The following KBTBD8 variants were observed in gnomAD, a reference collection of about 807,000 sequenced individuals.
The protein encoded by KBTBD8 is kelch repeat and BTB domain containing 8, also known as kelch repeat and BTB domain-containing protein 8.
In KBTBD8, 31 loss-of-function variants were observed where a neutral mutation model predicts 53.5. The observed-to-expected ratio is 0.58, with a 90% CI of 0.44 to 0.78. The LOEUF is 0.78. Ranked by LOEUF, KBTBD8 falls within the 30% of genes least tolerant of loss-of-function variation. KBTBD8 has a pLI of 0.00. For missense variants in KBTBD8, 642 were observed against 735.8 expected (o/e 0.87, Z 1.48); for synonymous variants, 250 against 247.3 (o/e 1.01, Z -0.10).
Position 67,003,618 on chromosome 3 carries a change from T to C in KBTBD8, c.651T>C (p.Ile217=), listed in dbSNP as rs1465192466. 1 of 1,614,062 alleles carries C rather than the reference T, an allele frequency of 6.2e-7. No homozygotes were observed. Among genetic ancestry groups the C allele is most frequent in the South Asian group, 1.1e-5 (1 of 91,074 alleles). The change falls in exon 3 of 4, where the codon ATT becomes ATC. Residue 217 remains isoleucine, a synonymous_variant. Transcript: ENST00000417314. ...GAGAAGAGCATGTTTATGAAAGCATTATAAGGTGGTTTGAGCATGAACAGA... is the reference window on the plus strand; with the variant it reads ...GAGAAGAGCATGTTTATGAAAGCATCATAAGGTGGTTTGAGCATGAACAGA... ...VDREEHVYES[I]IRWFEHEQNE...
At chr3:67,006,712 AG>A (rs1033735932) in intron 3 of KBTBD8, among the ~76,000 whole-genome samples, 2 of 152,218 alleles carry the variant, frequency 1.3e-5, no homozygotes, top group Non-Finnish European at 2.9e-5. Flanking sequence ...ACAGTTTTCA[AG>A]GGGAAGCTCA....
At chr3:67,007,116 A>G (rs955256866) in intron 3 of KBTBD8, among the ~76,000 whole-genome samples, 6 of 152,340 alleles carry the variant, frequency 3.9e-5, no homozygotes, top group African/African-American at 1.4e-4. Context: ...TCAGTGACCC[A>G]TAAGCATAAA....
At chr3:67,005,758 C>A (rs749523216) in intron 3 of KBTBD8, among the ~76,000 whole-genome samples, 2 of 151,770 alleles carry the variant, frequency 1.3e-5, no homozygotes, top group Non-Finnish European at 2.9e-5. Context: ...TGACTTCAAC[C>A]TCCGCCTCCT....
At chr3:67,001,731 C>G (rs1702020244) in intron 2 of KBTBD8, among the ~76,000 whole-genome samples, 1 of 152,280 alleles carries the variant, frequency 6.6e-6, no homozygotes, top group South Asian at 2.1e-4. Context: ...TTAAAATGTA[C>G]ATTGTAGAAG....
At position 66,999,046 on chromosome 3, in the gene KBTBD8, G is replaced by C; in HGVS notation, c.82G>C (p.Asp28His). The C allele has an allele frequency of 6.2e-7, 1 of 1,614,158 alleles. No homozygotes were observed. The highest frequency in any genetic ancestry group is 8.5e-7 in the Non-Finnish European group (1 of 1,180,026). Residue 28 changes from aspartate (D) to histidine (H), a missense_variant, in exon 2 of 4, where the codon GAC (aspartate) becomes CAC (histidine). Asp to His is a moderately conservative substitution (Grantham distance 81). Coordinates refer to ENST00000417314, the MANE Select transcript of KBTBD8 (RefSeq NM_032505.3). ...TTCAGACCCAGCCAGCGATGCCATGGACCCCTTCCATGCTTGCAGTATTCT... is the reference window on the plus strand; with the variant it reads ...TTCAGACCCAGCCAGCGATGCCATGCACCCCTTCCATGCTTGCAGTATTCT... ...PSSDPASDAMDPFHACSILKQ... is the reference protein window; with the variant it reads ...PSSDPASDAMHPFHACSILKQ...
chr3:67,000,862 A>G (rs1256473529), intron 2 of KBTBD8, among the ~76,000 whole-genome samples: 2 of 152,014 alleles, frequency 1.3e-5, no homozygotes, highest in African/African-American at 4.8e-5. Flanking sequence ...CTTAGTAAGC[A>G]TACATAATAA....
intron 3 of KBTBD8, among the ~76,000 whole-genome samples, chr3:67,005,227 T>A (rs1258272195): frequency 6.6e-6 from 1 of 152,200 alleles, no homozygotes; most frequent in African/African-American, 2.4e-5. Flanking sequence ...GTCTCTTAAT[T>A]GATGTTTTTC....
chr3:66,998,804 C>T (rs1274669192), intron 1 of KBTBD8, 177 bp from the exon 2 acceptor site: 6 of 617,248 alleles, frequency 9.7e-6, no homozygotes, highest in Non-Finnish European at 1.7e-5. Flanking sequence ...CGCGCTCCGC[C>T]CTCTGTCTCC....
rs1702109507 is a variant in KBTBD8 at position 67,010,672 on chromosome 3, A to G, written c.*2287A>G. The G allele has an allele frequency of 6.6e-6, 1 of 152,614 alleles. No homozygotes were observed. The highest frequency in any genetic ancestry group is 2.4e-5 in the African/African-American group (1 of 41,450). The allele number at this position is 152,614 out of a possible 1,614,324, so 9.5% of individuals were successfully genotyped here. Reference sequence around the variant, plus strand: ...TTAAAATGGATTCAGAAGAGGTCCTAGAAAAGTAAGATTAGTGACATGTGT... The same window carrying G: ...TTAAAATGGATTCAGAAGAGGTCCTGGAAAAGTAAGATTAGTGACATGTGT... On this transcript the variant is annotated 3_prime_UTR_variant, in exon 4 of 4. Coordinates refer to ENST00000417314, the MANE Select transcript of KBTBD8 (RefSeq NM_032505.3).
At chr3:66,999,876 A>C (rs1702001826) in intron 2 of KBTBD8, among the ~76,000 whole-genome samples, 1 of 152,228 alleles carries the variant, frequency 6.6e-6, no homozygotes. Flanking sequence ...ATGTTAAACG[A>C]AGTTTTTGTT....
chr3:67,009,662 T>G lies in KBTBD8; in HGVS notation c.*1277T>G, dbSNP rs1213683989. 6.6e-6 allele frequency: 1 copy of G among 152,594 alleles called. No individual in the cohort carries two copies. Among genetic ancestry groups the G allele is most frequent in the African/African-American group, 2.4e-5 (1 of 41,446 alleles). The allele number at this position is 152,594 out of a possible 1,614,324, so 9.5% of individuals were successfully genotyped here. On this transcript the variant is annotated 3_prime_UTR_variant, in exon 4 of 4. Coordinates refer to ENST00000417314, the MANE Select transcript of KBTBD8 (RefSeq NM_032505.3). ...TAGCTTTCTAGGTACTAAAGCATTT[T>G]TTGCATTTAACTGATGAAATTTCTA...
At position 67,003,613 on chromosome 3, in the gene KBTBD8, A is replaced by T; in HGVS notation, c.646A>T (p.Ser216Cys). The change falls in exon 3 of 4, where the codon AGC (serine) becomes TGC (cysteine). Residue 216 changes from serine (S) to cysteine (C), a missense_variant. Transcript: ENST00000417314. ...AGACCGAGAAGAGCATGTTTATGAA[A>T]GCATTATAAGGTGGTTTGAGCATGA... is the stretch of plus-strand genomic sequence containing the variant. ...NVDREEHVYE[S>C]IIRWFEHEQN... 1.2e-6 allele frequency: 2 copies of T among 1,614,114 alleles called. No individual in the cohort carries two copies. Among genetic ancestry groups the T allele is most frequent in the Non-Finnish European group, 1.7e-6 (2 of 1,179,964 alleles).
In KBTBD8 at chr3:67,003,944, A is replaced by T. The variant is rs1372424865; in HGVS notation, c.977A>T (p.Glu326Val). Residue 326 changes from glutamate (E) to valine (V), a missense_variant, in exon 3 of 4, where the codon GAA (glutamate) becomes GTA (valine). By Grantham distance (121) the Glu-to-Val change is moderately radical. Coordinates refer to ENST00000417314, the MANE Select transcript of KBTBD8 (RefSeq NM_032505.3). Reference sequence around the variant, plus strand: ...TGCAAACCACCAAATGACCTGAGAGAAGTTGGGATTCTTGTATCACCAGAT... The same window carrying T: ...TGCAAACCACCAAATGACCTGAGAGTAGTTGGGATTCTTGTATCACCAGAT... ...KLCKPPNDLR[E>V]VGILVSPDND... is the part of the protein sequence containing the mutation. 6.2e-7 allele frequency: 1 copy of T among 1,614,096 alleles called. No homozygotes were observed. The highest frequency in any genetic ancestry group is 1.3e-5 in the African/African-American group (1 of 75,038).
At chr3:67,005,211 G>T (rs576885352) in intron 3 of KBTBD8, among the ~76,000 whole-genome samples, 1 of 151,970 alleles carries the variant, frequency 6.6e-6, no homozygotes, top group South Asian at 2.1e-4. Context: ...CTTATTCCTC[G>T]TATGTGTCTC....
Position 67,003,916 on chromosome 3 carries a change from C to G in KBTBD8, c.949C>G (p.Leu317Val), listed in dbSNP as rs139004504. 3.1e-6 allele frequency: 5 copies of G among 1,614,166 alleles called. No individual in the cohort carries two copies. Among genetic ancestry groups the G allele is most frequent in the Non-Finnish European group, 4.2e-6 (5 of 1,180,042 alleles). Residue 317 changes from leucine to valine, a missense_variant, in exon 3 of 4, where the codon CTA (leucine) becomes GTA (valine). Leu to Val is a conservative substitution (Grantham distance 32, BLOSUM62 1). Transcript: ENST00000417314. ...LDIVTGRVFK[L>V]CKPPNDLREV... ...TATAGTCACAGGAAGGGTGTTTAAA[C>G]TATGCAAACCACCAAATGACCTGAG...
chr3:67,007,584 G>GCTGGGATTA (rs1006993109), intron 3 of KBTBD8, among the ~76,000 whole-genome samples: 2 of 152,042 alleles, frequency 1.3e-5, no homozygotes, highest in South Asian at 2.1e-4. Flanking sequence ...CTCCCAAAGT[G>GCTGGGATTA]CTGGGATTAC....
At chr3:67,007,168 C>T (rs543185291) in intron 3 of KBTBD8, among the ~76,000 whole-genome samples, 1 of 152,304 alleles carries the variant, frequency 6.6e-6, no homozygotes, top group African/African-American at 2.4e-5. Flanking sequence ...AAATAGCATA[C>T]ACATTTATCA....
At chr3:67,004,486 A>C (rs771373700) in intron 3 of KBTBD8, among the ~76,000 whole-genome samples, 177 bp downstream of exon 3, 4 of 152,206 alleles carry the variant, frequency 2.6e-5, no homozygotes, top group Admixed American at 1.3e-4. Context: ...CTCTTGAATT[A>C]AAAAAAGGCA....
At chr3:66,998,520 A>C in intron 1 of KBTBD8, 149 bp downstream of exon 1, 20 of 610,622 alleles carry the variant, frequency 3.3e-5, no homozygotes, top group South Asian at 4.6e-5. Context: ...GGGAGGATGA[A>C]TGGTGCGGAG....
Sources: gnomAD v4.1 joint callset for allele counts (sites outside exome capture counted in the v4.1 genomes callset) on GRCh38, gnomAD v4.1.1 for gene constraint, MANE v1.5 for transcripts, NCBI Gene and HGNC (gene_info 2026-07-23, HGNC 2026-07-21) for gene names.